Variants in OR13C4 observed in about 807,000 individuals in gnomAD.
OR13C4 encodes the protein olfactory receptor 13C4.
For synonymous variants in OR13C4, 138 were observed against 140.8 expected (o/e 0.98, Z 0.14); for missense variants, 383 against 381.7 (o/e 1.00, Z -0.03).
chr9:104,527,195 G>A lies in OR13C4; in HGVS notation c.15C>T (p.Asn5=), dbSNP rs780234871. The A allele has an allele frequency of 1.9e-5, 30 of 1,602,182 alleles. No individual in the cohort carries two copies. The highest frequency in any genetic ancestry group is 2.6e-5 in the Non-Finnish European group (30 of 1,174,626). The change falls in exon 1 of 1, where the codon AAC becomes AAT. Residue 5 remains asparagine, a synonymous_variant. Coordinates refer to ENST00000277216, the MANE Select transcript of OR13C4 (RefSeq NM_001001919.1). MDKI[N]QTFVREFILL... is the part of the protein sequence containing the mutation. ...GAATGAATTCTCTCACAAATGTCTGGTTTATCTTGTCCATGTCCCAGCTTT... is the reference window on the plus strand; with the variant it reads ...GAATGAATTCTCTCACAAATGTCTGATTTATCTTGTCCATGTCCCAGCTTT...
rs1345277052 is a variant in OR13C4 at position 104,526,405 on chromosome 9, C to G, written c.805G>C (p.Gly269Arg). ...YAKPKSQDLL[G>R]KDNLQATEGL... ...TCTGTAGCTTGCAAGTTGTCTTTCC[C>G]AAGGAGGTCCTGGGACTTAGGTTTT... The change falls in exon 1 of 1, where the codon GGG becomes CGG. Residue 269 changes from glycine (G) to arginine (R), a missense_variant. Coordinates refer to ENST00000277216, the MANE Select transcript of OR13C4 (RefSeq NM_001001919.1). The G allele has an allele frequency of 6.2e-7, 1 of 1,613,890 alleles. No individual in the cohort carries two copies. The highest frequency in any genetic ancestry group is 1.3e-5 in the African/African-American group (1 of 74,876).
At position 104,527,047 on chromosome 9, in the gene OR13C4, G is replaced by C. The variant is rs995461736; in HGVS notation, c.163C>G (p.Leu55Val). ...AGGAAGAAGTACATGGGCATGTGAA[G>C]ACGAGAATCCAAGATGCTTGCTATG... ...LIIASILDSR[L>V]HMPMYFFLGN... The change falls in exon 1 of 1, where the codon CTT becomes GTT. Residue 55 changes from leucine (L) to valine (V), a missense_variant. Physicochemically the swap from Leu to Val is conservative, Grantham distance 32 (BLOSUM62 1). Transcript: ENST00000277216. 6.2e-7 allele frequency: 1 copy of C among 1,614,116 alleles called. No individual in the cohort carries two copies. Among genetic ancestry groups the C allele is most frequent in the Non-Finnish European group, 8.5e-7 (1 of 1,179,972 alleles).
Position 104,527,159 on chromosome 9 carries a change from G to C in OR13C4, c.51C>G (p.Leu17=). 6.2e-7 allele frequency: 1 copy of C among 1,612,092 alleles called. No individual in the cohort carries two copies. The highest frequency in any genetic ancestry group is 8.5e-7 in the Non-Finnish European group (1 of 1,179,586). The change falls in exon 1 of 1, where the codon CTC becomes CTG. Residue 17 remains leucine, a synonymous_variant. Transcript: ENST00000277216. ...TGATCTCAAGTTTGGGGTAACCAGAGAGTCCCAGAAGAATGAATTCTCTCA... is the reference window on the plus strand; with the variant it reads ...TGATCTCAAGTTTGGGGTAACCAGACAGTCCCAGAAGAATGAATTCTCTCA... ...TFVREFILLG[L]SGYPKLEIIF...
chr9:104,526,590 A>G lies in OR13C4; in HGVS notation c.620T>C (p.Leu207Pro). The change falls in exon 1 of 1, where the codon CTA (leucine) becomes CCA (proline). Residue 207 changes from leucine (L) to proline (P), a missense_variant. By Grantham distance (98) the Leu-to-Pro change is moderately conservative. Transcript: ENST00000277216. The stretch of plus-strand genomic sequence containing the variant: ...AAAAATCACGAGCAGAGGAAGAACT[A>G]GGAAAGCAATATTTGACACTGCTAG... ...VTLAVSNIAF[L>P]VLPLLVIFFS... The G allele has an allele frequency of 3.7e-6, 6 of 1,614,128 alleles. No individual in the cohort carries two copies. Among genetic ancestry groups the G allele is most frequent in the Non-Finnish European group, 5.1e-6 (6 of 1,179,928 alleles).
chr9:104,526,880 T>C lies in OR13C4; in HGVS notation c.330A>G (p.Thr110=). The C allele has an allele frequency of 6.2e-7, 1 of 1,614,180 alleles. No homozygotes were observed. Among genetic ancestry groups the C allele is most frequent in the Non-Finnish European group, 8.5e-7 (1 of 1,180,024 alleles). The change falls in exon 1 of 1, where the codon ACA becomes ACG. Residue 110 remains threonine (T), a synonymous_variant. Coordinates refer to ENST00000277216, the MANE Select transcript of OR13C4 (RefSeq NM_001001919.1). The part of the protein sequence containing the change: ...QMFFGFAMGS[T]ECFLLGMMAF... Reference sequence around the variant, plus strand: ...CCATCATGCCAAGGAGGAAACATTCTGTTGACCCCATTGCAAACCCAAAGA... The same window carrying C: ...CCATCATGCCAAGGAGGAAACATTCCGTTGACCCCATTGCAAACCCAAAGA...
chr9:104,526,729 A>T lies in OR13C4; in HGVS notation c.481T>A (p.Ser161Thr). Residue 161 changes from serine to threonine, a missense_variant, in exon 1 of 1, where the codon TCA becomes ACA. Coordinates refer to ENST00000277216, the MANE Select transcript of OR13C4 (RefSeq NM_001001919.1). ...SGGINSTVQT[S>T]LAMRWPFCGN... ...CAGAAAGGCCATCGCATGGCAAGTG[A>T]TGTTTGCACAGTTGAATTGATTCCA... The T allele has an allele frequency of 1.2e-6, 2 of 1,614,016 alleles. No individual in the cohort carries two copies. Among genetic ancestry groups the T allele is most frequent in the Non-Finnish European group, 1.7e-6 (2 of 1,179,880 alleles).
rs139130096 is a variant in OR13C4 at position 104,526,862 on chromosome 9, G to T, written c.348C>A (p.Gly116=). The change falls in exon 1 of 1, where the codon GGC becomes GGA. Residue 116 remains glycine (G), a synonymous_variant. Coordinates refer to ENST00000277216, the MANE Select transcript of OR13C4 (RefSeq NM_001001919.1). The stretch of plus-strand genomic sequence containing the variant: ...CCACATAACGATCAAATGCCATCAT[G>T]CCAAGGAGGAAACATTCTGTTGACC... ...AMGSTECFLL[G]MMAFDRYVAI... 4.3e-6 allele frequency: 7 copies of T among 1,614,126 alleles called. No homozygotes were observed. The highest frequency in any genetic ancestry group is 5.9e-6 in the Non-Finnish European group (7 of 1,180,004).
Position 104,526,275 on chromosome 9 carries a change from C to A in OR13C4, c.935G>T (p.Ser312Ile). 1 of 1,593,390 alleles carries A rather than the reference C, an allele frequency of 6.3e-7. No individual in the cohort carries two copies. The highest frequency in any genetic ancestry group is 8.6e-7 in the Non-Finnish European group (1 of 1,168,708). ...ATCTTACTGGTTAATAGCTTTCCTG[C>A]TCAGCAAATATTTTATAGCAGCTTT... ...DVKAAIKYLL[S>I]RKAINQ Residue 312 changes from serine to isoleucine, a missense_variant, in exon 1 of 1, where the codon AGC (serine) becomes ATC (isoleucine). Coordinates refer to ENST00000277216, the MANE Select transcript of OR13C4 (RefSeq NM_001001919.1).
chr9:104,526,755 C>A lies in OR13C4; in HGVS notation c.455G>T (p.Gly152Val). 2 of 1,614,060 alleles carry A rather than the reference C, an allele frequency of 1.2e-6. No homozygotes were observed. The highest frequency in any genetic ancestry group is 1.3e-5 in the African/African-American group (1 of 75,036). ...VLLTSVSWLSGGINSTVQTSL... is the reference protein window; with the variant it reads ...VLLTSVSWLSVGINSTVQTSL... ...TGTTTGCACAGTTGAATTGATTCCA[C>A]CAGAAAGCCATGATACAGAAGTCAG... is the stretch of plus-strand genomic sequence containing the variant. The change falls in exon 1 of 1, where the codon GGT becomes GTT. Residue 152 changes from glycine (G) to valine (V), a missense_variant. Physicochemically the swap from Gly to Val is moderately radical, Grantham distance 109. Coordinates refer to ENST00000277216, the MANE Select transcript of OR13C4 (RefSeq NM_001001919.1).
Position 104,527,136 on chromosome 9 carries a change from ATC to A in OR13C4, c.72_73del (p.Glu24AspfsTer97), listed in dbSNP as rs545215561. The stretch of plus-strand genomic sequence containing the variant: ...AACTAGAATCAGAGCAAAGAAAATG[ATC>A]TCAAGTTTGGGGTAACCAGAGAGTC... On this transcript the variant is annotated frameshift_variant, in exon 1 of 1. Transcript: ENST00000277216. LOFTEE classifies it low-confidence loss of function (END_TRUNC). 1.6e-4 allele frequency: 256 copies of A among 1,613,522 alleles called. 5 individuals carry two copies. In the South Asian group the frequency reaches 2.6e-3, roughly 16 times the overall value.
rs779547893 is a variant in OR13C4 at position 104,526,454 on chromosome 9, A to C, written c.756T>G (p.Tyr252Ter). ...SAHLTVVIIF[Y>*]GTIFFMYAKP... ...TTGCATACATAAAGAAGATGGTACC[A>C]TAAAATATGATCACCACAGTCAGGT... Residue 252 changes from tyrosine (Y) to a stop codon, truncating the protein, a stop_gained, in exon 1 of 1, where the codon TAT becomes TAG. Transcript: ENST00000277216. LOFTEE classifies it low-confidence loss of function (END_TRUNC). 9 of 1,614,168 alleles carry C rather than the reference A, an allele frequency of 5.6e-6. No homozygotes were observed. The highest frequency in any genetic ancestry group is 7.6e-6 in the Non-Finnish European group (9 of 1,180,002).
Position 104,526,616 on chromosome 9 carries a change from G to A in OR13C4, c.594C>T (p.Thr198=). 6.2e-7 allele frequency: 1 copy of A among 1,613,354 alleles called. No individual in the cohort carries two copies. Among genetic ancestry groups the A allele is most frequent in the Non-Finnish European group, 8.5e-7 (1 of 1,179,310 alleles). Reference sequence around the variant, plus strand: ...GGAAAGCAATATTTGACACTGCTAGGGTAACAATATTGACAGATATATCAG... The same window carrying A: ...GGAAAGCAATATTTGACACTGCTAGAGTAACAATATTGACAGATATATCAG... ...ACSDISVNIV[T]LAVSNIAFLV... Residue 198 remains threonine (T), a synonymous_variant, in exon 1 of 1, where the codon ACC becomes ACT. Coordinates refer to ENST00000277216, the MANE Select transcript of OR13C4 (RefSeq NM_001001919.1).
chr9:104,526,354 C>A lies in OR13C4; in HGVS notation c.856G>T (p.Val286Phe). ...TEGLVSMFYG[V>F]VTPMLNPIIY... ...ATGGGGTTTAACATGGGGGTCACAACCCCATAAAACATGGAAACAAGCCCC... is the reference window on the plus strand; with the variant it reads ...ATGGGGTTTAACATGGGGGTCACAAACCCATAAAACATGGAAACAAGCCCC... The change falls in exon 1 of 1, where the codon GTT becomes TTT. Residue 286 changes from valine to phenylalanine, a missense_variant. By Grantham distance (50) the Val-to-Phe change is conservative (BLOSUM62 -1). Coordinates refer to ENST00000277216, the MANE Select transcript of OR13C4 (RefSeq NM_001001919.1). 6.2e-7 allele frequency: 1 copy of A among 1,613,606 alleles called. No homozygotes were observed. Among genetic ancestry groups the A allele is most frequent in the South Asian group, 1.1e-5 (1 of 91,066 alleles).
At position 104,526,781 on chromosome 9, in the gene OR13C4, C is replaced by T. The variant is rs958783106; in HGVS notation, c.429G>A (p.Leu143=). Residue 143 remains leucine, a synonymous_variant, in exon 1 of 1, where the codon CTG becomes CTA. Transcript: ENST00000277216. ...CAGAAAGCCATGATACAGAAGTCAGCAGTACATACACCACCTTGTTCATGA... is the reference window on the plus strand; with the variant it reads ...CAGAAAGCCATGATACAGAAGTCAGTAGTACATACACCACCTTGTTCATGA... ...PIIMNKVVYV[L]LTSVSWLSGG... is the part of the protein sequence containing the mutation. 5 of 1,614,128 alleles carry T rather than the reference C, an allele frequency of 3.1e-6. No individual in the cohort carries two copies. In the South Asian group the frequency reaches 4.4e-5, roughly 14 times the overall value.
In OR13C4 at chr9:104,526,372, C is replaced by G. The variant is rs1828710731; in HGVS notation, c.838G>C (p.Val280Leu). The G allele has an allele frequency of 6.2e-7, 1 of 1,613,800 alleles. No homozygotes were observed. The highest frequency in any genetic ancestry group is 1.7e-4 in the Middle Eastern group (1 of 6,058). The change falls in exon 1 of 1, where the codon GTT becomes CTT. Residue 280 changes from valine (V) to leucine (L), a missense_variant. By Grantham distance (32) the Val-to-Leu change is conservative. Coordinates refer to ENST00000277216, the MANE Select transcript of OR13C4 (RefSeq NM_001001919.1). The part of the protein sequence containing the change: ...KDNLQATEGL[V>L]SMFYGVVTPM... ...GTCACAACCCCATAAAACATGGAAA[C>G]AAGCCCCTCTGTAGCTTGCAAGTTG...
At position 104,526,431 on chromosome 9, in the gene OR13C4, G is replaced by A; in HGVS notation, c.779C>T (p.Ala260Val). 1 of 1,614,114 alleles carries A rather than the reference G, an allele frequency of 6.2e-7. No individual in the cohort carries two copies. Among genetic ancestry groups the A allele is most frequent in the Non-Finnish European group, 8.5e-7 (1 of 1,179,982 alleles). Residue 260 changes from alanine to valine, a missense_variant, in exon 1 of 1, where the codon GCA becomes GTA. Transcript: ENST00000277216. ...AAGGAGGTCCTGGGACTTAGGTTTT[G>A]CATACATAAAGAAGATGGTACCATA... is the stretch of plus-strand genomic sequence containing the variant. The part of the protein sequence containing the change: ...IFYGTIFFMY[A>V]KPKSQDLLGK...
Position 104,526,704 on chromosome 9 carries a change from C to G in OR13C4, c.506G>C (p.Cys169Ser). 1.9e-6 allele frequency: 3 copies of G among 1,613,886 alleles called. No homozygotes were observed. The highest frequency in any genetic ancestry group is 2.5e-6 in the Non-Finnish European group (3 of 1,179,860). ...GAAATGATTAATAATATTGTTCCCACAGAAAGGCCATCGCATGGCAAGTGA... is the reference window on the plus strand; with the variant it reads ...GAAATGATTAATAATATTGTTCCCAGAGAAAGGCCATCGCATGGCAAGTGA... ...QTSLAMRWPF[C>S]GNNIINHFLC... Residue 169 changes from cysteine to serine, a missense_variant, in exon 1 of 1, where the codon TGT (cysteine) becomes TCT (serine). Physicochemically the swap from Cys to Ser is moderately radical, Grantham distance 112. Coordinates refer to ENST00000277216, the MANE Select transcript of OR13C4 (RefSeq NM_001001919.1).
In OR13C4 at chr9:104,527,194, G is replaced by A. The variant is rs1828722163; in HGVS notation, c.16C>T (p.Gln6Ter). 6.2e-7 allele frequency: 1 copy of A among 1,602,590 alleles called. No individual in the cohort carries two copies. The highest frequency in any genetic ancestry group is 1.3e-5 in the African/African-American group (1 of 74,788). MDKIN[Q>*]TFVREFILLG... ...AGAATGAATTCTCTCACAAATGTCT[G>A]GTTTATCTTGTCCATGTCCCAGCTT... Residue 6 changes from glutamine to a stop codon, truncating the protein, a stop_gained, in exon 1 of 1, where the codon CAG becomes TAG. Coordinates refer to ENST00000277216, the MANE Select transcript of OR13C4 (RefSeq NM_001001919.1). LOFTEE classifies it low-confidence loss of function (END_TRUNC).
In OR13C4 at chr9:104,526,328, T is replaced by C. The variant is rs1247521931; in HGVS notation, c.882A>G (p.Ile294Met). Reference sequence around the variant, plus strand: ...CATCTTTATTTCTCAAGCTATAGATTATGGGGTTTAACATGGGGGTCACAA... The same window carrying C: ...CATCTTTATTTCTCAAGCTATAGATCATGGGGTTTAACATGGGGGTCACAA... ...YGVVTPMLNP[I>M]IYSLRNKDVK... Residue 294 changes from isoleucine to methionine, a missense_variant, in exon 1 of 1, where the codon ATA (isoleucine) becomes ATG (methionine). Physicochemically the swap from Ile to Met is conservative, Grantham distance 10. Coordinates refer to ENST00000277216, the MANE Select transcript of OR13C4 (RefSeq NM_001001919.1). 3 of 1,613,384 alleles carry C rather than the reference T, an allele frequency of 1.9e-6. No individual in the cohort carries two copies. Among genetic ancestry groups the C allele is most frequent in the Admixed American group, 3.3e-5 (2 of 59,890 alleles).
Sources: gnomAD v4.1 joint callset for allele counts on GRCh38, gnomAD v4.1.1 for gene constraint, MANE v1.5 for transcripts, NCBI Gene and HGNC (gene_info 2026-07-23, HGNC 2026-07-21) for gene names.